MYRFL: variants seen among roughly 807,000 people sequenced by gnomAD.
MYRFL encodes myelin regulatory factor-like protein.
Under a neutral mutation model 109.4 loss-of-function variants are expected in MYRFL, and 88 were observed. The ratio of observed to expected loss-of-function variants is 0.80; its 90% confidence interval spans 0.68 to 0.96. The LOEUF (loss-of-function observed/expected upper bound fraction) is 0.96. Among genes scored for constraint, MYRFL ranks in the 40% least tolerant of loss-of-function variants. MYRFL has a pLI of 0.00. For synonymous variants in MYRFL, 324 were observed against 320.9 expected (o/e 1.01, Z -0.10); for missense variants, 957 against 954.9 (o/e 1.00, Z -0.03).
intron 1 of MYRFL, among the ~76,000 whole-genome samples, chr12:69,832,059 C>G (rs1882661222): frequency 6.6e-6 from 1 of 152,100 alleles, no homozygotes; most frequent in African/African-American, 2.4e-5. Flanking sequence ...AGGGAGCTGG[C>G]AAGTTTTGGT....
chr12:69,880,907 G>A (rs1489240424), intron 5 of MYRFL, among the ~76,000 whole-genome samples: 1 of 144,878 alleles, frequency 6.9e-6, no homozygotes, highest in Non-Finnish European at 1.5e-5. Flanking sequence ...CATTTTAGAA[G>A]TCTTTCATCC....
chr12:69,937,936 C>T (rs1256993075), intron 19 of MYRFL, among the ~76,000 whole-genome samples: 3 of 152,172 alleles, frequency 2.0e-5, no homozygotes, highest in African/African-American at 7.2e-5. Context: ...ATGAGTAAAT[C>T]ATTTAATCTT....
intron 1 of MYRFL, among the ~76,000 whole-genome samples, chr12:69,854,103 G>A (rs372577853): frequency 6.6e-6 from 1 of 152,224 alleles, no homozygotes; most frequent in Admixed American, 6.5e-5. Flanking sequence ...CCGGCACCTC[G>A]GGAGGCCGAG....
At chr12:69,940,693 T>C (rs1955614816) in intron 19 of MYRFL, among the ~76,000 whole-genome samples, 1 of 150,836 alleles carries the variant, frequency 6.6e-6, no homozygotes, top group Non-Finnish European at 1.5e-5. Context: ...CTATTAACTT[T>C]AAATGTAAAT....
intron 2 of MYRFL, 127 bp from the exon 3 acceptor site, chr12:69,878,900 AC>A (rs1019819201): frequency 1.1e-5 from 7 of 661,112 alleles, no homozygotes; most frequent in South Asian, 3.4e-5. Context: ...CAAACCCCTC[AC>A]CCCCCCATGC....
At chr12:69,956,190 A>T (rs11177994) in intron 22 of MYRFL, among the ~76,000 whole-genome samples, 3 of 9,942 alleles carry the variant, frequency 3.0e-4, no homozygotes, top group Admixed American at 1.7e-3. Context: ...AGGACACATA[A>T]AAAAAAAAAA....
chr12:69,935,987 C>A, intron 16 of MYRFL, 126 bp from the exon 17 acceptor site: 1 of 1,139,592 alleles, frequency 8.8e-7, no homozygotes, highest in African/African-American at 1.6e-5. Flanking sequence ...GCCATCCCCT[C>A]CCCCCTGCTC....
intron 13 of MYRFL, among the ~76,000 whole-genome samples, chr12:69,920,452 T>C (rs558837008): frequency 6.6e-6 from 1 of 152,336 alleles, no homozygotes; most frequent in East Asian, 1.9e-4. Context: ...GACCTTTCAG[T>C]GCCTCGTGCC....
chr12:69,864,853 CT>C (rs1286082426), intron 2 of MYRFL, among the ~76,000 whole-genome samples: 1 of 152,102 alleles, frequency 6.6e-6, no homozygotes, highest in Non-Finnish European at 1.5e-5. Context: ...TGGATATATC[CT>C]TTTCTCTGAC....
At position 69,881,966 on chromosome 12, in the gene MYRFL, C is replaced by T. The variant is rs145784272; in HGVS notation, c.556+1674C>T. 1.1e-4 allele frequency among the ~76,000 whole-genome samples: 17 copies of T among 152,240 alleles called. No individual in the cohort carries two copies. The East Asian group carries it at 2.5e-3, about 22-fold the overall frequency. On this transcript the variant is annotated intron_variant, in intron 5 of 24. Transcript: ENST00000552032. ...CCATCTGTTCATTCTACTGCAGATG[C>T]GCTAGCTCACTAAGGGATACAGGAC... is the stretch of plus-strand genomic sequence containing the variant.
chr12:69,873,850 T>G (rs941587560), intron 2 of MYRFL, among the ~76,000 whole-genome samples: 2 of 152,208 alleles, frequency 1.3e-5, no homozygotes, highest in Admixed American at 6.5e-5. Flanking sequence ...TGTCTTTTTT[T>G]TTTTGGCCCC....
intron 1 of MYRFL, among the ~76,000 whole-genome samples, chr12:69,827,219 T>C (rs758624041): frequency 2.6e-5 from 4 of 152,118 alleles, no homozygotes; most frequent in African/African-American, 4.8e-5. Context: ...TTTCTCCATT[T>C]CCTCAGGCTC....
chr12:69,888,571 T>G (rs1483123611), intron 6 of MYRFL, among the ~76,000 whole-genome samples: 4 of 152,184 alleles, frequency 2.6e-5, no homozygotes, highest in African/African-American at 9.6e-5. Context: ...GTAAGCAGAT[T>G]TCTATAATCA....
chr12:69,860,794 G>A (rs1015491680), intron 2 of MYRFL, among the ~76,000 whole-genome samples: 1 of 150,480 alleles, frequency 6.6e-6, no homozygotes, highest in Admixed American at 6.6e-5. Flanking sequence ...CAATGTGCAG[G>A]TTAGTTACAT....
In MYRFL at chr12:69,825,443, C is replaced by T; in HGVS notation, c.-75C>T. On this transcript the variant is annotated 5_prime_UTR_variant, in exon 1 of 25. Coordinates refer to ENST00000552032, the MANE Select transcript of MYRFL (RefSeq NM_182530.3). ...TCAAGAGCATTCGTAGGCTTCGAAT[C>T]AAAAGGACAGTACTTATTTCCTGAG... The T allele has an allele frequency of 1.4e-6, 1 of 694,276 alleles. No homozygotes were observed. Among genetic ancestry groups the T allele is most frequent in the Admixed American group, 2.1e-5 (1 of 48,152 alleles). The allele number at this position is 694,276 out of a possible 1,614,324, so 43.0% of individuals were successfully genotyped here.
intron 1 of MYRFL, among the ~76,000 whole-genome samples, chr12:69,854,363 G>C (rs1273370288): frequency 6.6e-6 from 1 of 151,572 alleles, no homozygotes; most frequent in Non-Finnish European, 1.5e-5. Flanking sequence ...GAGGGAGAGG[G>C]AGAGGGAGAG....
intron 1 of MYRFL, among the ~76,000 whole-genome samples, chr12:69,854,092 C>T (rs959410247): frequency 6.6e-6 from 1 of 152,204 alleles, no homozygotes; most frequent in Non-Finnish European, 1.5e-5. Context: ...CGTCTGCAAT[C>T]CCGGCACCTC....
intron 1 of MYRFL, among the ~76,000 whole-genome samples, chr12:69,847,898 T>C (rs973902185): frequency 6.6e-6 from 1 of 152,212 alleles, no homozygotes; most frequent in African/African-American, 2.4e-5. Flanking sequence ...TATAGACTTT[T>C]TTTCTGTATA....
intron 5 of MYRFL, among the ~76,000 whole-genome samples, chr12:69,884,788 T>C (rs1441933896): frequency 6.6e-6 from 1 of 152,214 alleles, no homozygotes; most frequent in African/African-American, 2.4e-5. Flanking sequence ...TTGTTTAAAC[T>C]CTTACCAGTG....
Sources: gnomAD v4.1 joint callset for allele counts (sites outside exome capture counted in the v4.1 genomes callset) on GRCh38, gnomAD v4.1.1 for gene constraint, MANE v1.5 for transcripts, NCBI Gene and HGNC (gene_info 2026-07-23, HGNC 2026-07-21) for gene names.